Variants in ST8SIA1 observed in about 807,000 individuals in gnomAD.
The protein encoded by ST8SIA1 is ST8 alpha-N-acetyl-neuraminide alpha-2,8-sialyltransferase 1.
Under a neutral mutation model 35.9 loss-of-function variants are expected in ST8SIA1, and 16 were observed. That is an observed-to-expected ratio of 0.45 (90% CI 0.30 to 0.68). The LOEUF is 0.68. Among genes scored for constraint, ST8SIA1 ranks in the 30% least tolerant of loss-of-function variants. The pLI, the probability that ST8SIA1 is intolerant of heterozygous loss-of-function variation, is 0.09. For missense variants in ST8SIA1, 383 were observed against 453.6 expected (o/e 0.84, Z 1.41); for synonymous variants, 170 against 169.6 (o/e 1.00, Z -0.02).
chr12:22,211,455 C>T (rs544377382), intron 4 of ST8SIA1, among the ~76,000 whole-genome samples: 5 of 152,292 alleles, frequency 3.3e-5, no homozygotes, highest in East Asian at 1.9e-4. Context: ...TGCATGCTAA[C>T]GATTGGCTAA....
chr12:22,234,214 C>T (rs188519512), intron 4 of ST8SIA1, among the ~76,000 whole-genome samples: 4 of 150,654 alleles, frequency 2.7e-5, no homozygotes, highest in Admixed American at 1.3e-4. Context: ...GAGCTGAGAT[C>T]GCACCACTGC....
At chr12:22,316,805 T>C (rs1057360442) in intron 1 of ST8SIA1, among the ~76,000 whole-genome samples, 2 of 152,154 alleles carry the variant, frequency 1.3e-5, no homozygotes, top group Non-Finnish European at 2.9e-5. Context: ...CTAAGACACA[T>C]GAATGTGCCC....
intron 1 of ST8SIA1, among the ~76,000 whole-genome samples, chr12:22,309,982 C>CTA (rs533880641): frequency 3.6e-4 from 55 of 152,230 alleles, no homozygotes; most frequent in Non-Finnish European, 8.8e-5. Flanking sequence ...AATGACACAG[C>CTA]TATGATCCAG....
At chr12:22,321,042 G>T (rs1171090742) in intron 1 of ST8SIA1, among the ~76,000 whole-genome samples, 1 of 49,084 alleles carries the variant, frequency 2.0e-5, no homozygotes, top group Non-Finnish European at 4.2e-5. Flanking sequence ...AAGAGAAAGA[G>T]AAAGAAAAGA....
At chr12:22,311,405 C>T (rs73087082) in intron 1 of ST8SIA1, among the ~76,000 whole-genome samples, 7,659 of 152,068 alleles carry the variant, frequency 0.05, 312 homozygotes, top group South Asian at 0.16. Flanking sequence ...AATCGAAGGA[C>T]TAGAAGGATT....
At chr12:22,231,580 TA>T (rs202230406) in intron 4 of ST8SIA1, among the ~76,000 whole-genome samples, 9 of 152,006 alleles carry the variant, frequency 5.9e-5, no homozygotes, top group Admixed American at 2.6e-4. Context: ...TTTTGTTTAT[TA>T]TTTTTTTTTT....
chr12:22,272,047 G>A (rs1865916780), intron 2 of ST8SIA1, among the ~76,000 whole-genome samples: 1 of 151,970 alleles, frequency 6.6e-6, no homozygotes, highest in Non-Finnish European at 1.5e-5. Flanking sequence ...CCTTACCACT[G>A]AATGCTTATT....
chr12:22,206,730 C>G (rs935074127), intron 4 of ST8SIA1, among the ~76,000 whole-genome samples: 11 of 152,174 alleles, frequency 7.2e-5, no homozygotes, highest in Non-Finnish European at 1.5e-4. Flanking sequence ...AGTCTCTGCA[C>G]AGAGCTTCCA....
chr12:22,243,532 A>C (rs1218409938), intron 4 of ST8SIA1, among the ~76,000 whole-genome samples: 1 of 152,154 alleles, frequency 6.6e-6, no homozygotes, highest in Non-Finnish European at 1.5e-5. Flanking sequence ...CCCTGTTTGC[A>C]TATACTGCTA....
At chr12:22,208,135 C>CA (rs71053390) in intron 4 of ST8SIA1, among the ~76,000 whole-genome samples, 29,251 of 97,722 alleles carry the variant, frequency 0.3, 3,404 homozygotes, top group South Asian at 0.42. Context: ...GTCTGTCTCA[C>CA]AAAAAAAAAA....
chr12:22,291,716 T>C (rs2135819371), intron 1 of ST8SIA1, among the ~76,000 whole-genome samples: 1 of 152,346 alleles, frequency 6.6e-6, no homozygotes, highest in Admixed American at 6.5e-5. Context: ...TTATGTGCTT[T>C]CTATGTTGAA....
At chr12:22,281,355 T>C (rs1180979368) in intron 2 of ST8SIA1, among the ~76,000 whole-genome samples, 1 of 152,182 alleles carries the variant, frequency 6.6e-6, no homozygotes, top group Non-Finnish European at 1.5e-5. Context: ...AGCGTCATCA[T>C]AGAAAGGCCA....
At chr12:22,228,314 T>C (rs1865380680) in intron 4 of ST8SIA1, among the ~76,000 whole-genome samples, 1 of 152,212 alleles carries the variant, frequency 6.6e-6, no homozygotes, top group African/African-American at 2.4e-5. Context: ...CAGGCTTAGT[T>C]TAGATTATGA....
Position 22,201,628 on chromosome 12 carries a change from CAG to C in ST8SIA1, c.993_994del (p.Trp332ValfsTer4). The C allele has an allele frequency of 6.2e-7, 1 of 1,613,964 alleles. No homozygotes were observed. The highest frequency in any genetic ancestry group is 8.5e-7 in the Non-Finnish European group (1 of 1,179,976). On this transcript the variant is annotated frameshift_variant, in exon 5 of 5. Transcript: ENST00000396037. LOFTEE classifies it high-confidence loss of function. ...CAGTGCACCGATTTTATGAAGATAC[CAG>C]AGTTGGAGAAATTCCTCGGGCATGG...
At chr12:22,310,138 C>T (rs146663855) in intron 1 of ST8SIA1, among the ~76,000 whole-genome samples, 1 of 152,000 alleles carries the variant, frequency 6.6e-6, no homozygotes, top group Non-Finnish European at 1.5e-5. Flanking sequence ...AAAATAAGGA[C>T]AAAATTAGCT....
intron 4 of ST8SIA1, among the ~76,000 whole-genome samples, chr12:22,226,752 AT>A (rs1488465823): frequency 6.6e-6 from 1 of 152,068 alleles, no homozygotes; most frequent in African/African-American, 2.4e-5. Context: ...TTTCTTTGCA[AT>A]TCTGCCTGCT....
intron 4 of ST8SIA1, among the ~76,000 whole-genome samples, chr12:22,240,000 G>A (rs1032659954): frequency 6.6e-6 from 1 of 152,092 alleles, no homozygotes; most frequent in Non-Finnish European, 1.5e-5. Flanking sequence ...TGGGCATGCA[G>A]ATATTCTTGG....
intron 4 of ST8SIA1, among the ~76,000 whole-genome samples, chr12:22,206,186 C>G (rs1865107402): frequency 6.6e-6 from 1 of 152,146 alleles, no homozygotes; most frequent in Admixed American, 6.5e-5. Flanking sequence ...TTTTAAAAAT[C>G]TATCTCCATT....
In ST8SIA1 at chr12:22,194,403, A is replaced by T. The variant is rs932896958; in HGVS notation, c.*7149T>A. ...CTCCAAGGCCTATAAACTATTGTGC[A>T]TTTCTATAAAATAGTCACATTTGCT... is the stretch of plus-strand genomic sequence containing the variant. On this transcript the variant is annotated 3_prime_UTR_variant, in exon 5 of 5. Coordinates refer to ENST00000396037, the MANE Select transcript of ST8SIA1 (RefSeq NM_003034.4). 2 of 152,214 alleles carry T rather than the reference A, an allele frequency of 1.3e-5. No homozygotes were observed. Among genetic ancestry groups the T allele is most frequent in the Admixed American group, 6.5e-5 (1 of 15,282 alleles). The allele number at this position is 152,214 out of a possible 1,614,324, so 9.4% of individuals were successfully genotyped here. A position where few individuals can be genotyped will look rare whatever the true frequency, so the allele number is the denominator to read the frequency against.
Sources: gnomAD v4.1 joint callset for allele counts (sites outside exome capture counted in the v4.1 genomes callset) on GRCh38, gnomAD v4.1.1 for gene constraint, MANE v1.5 for transcripts, NCBI Gene and HGNC (gene_info 2026-07-23, HGNC 2026-07-21) for gene names.